Variants in PPP1R15B observed in about 807,000 individuals in gnomAD.
PPP1R15B encodes protein phosphatase 1 regulatory subunit 15B.
A neutral mutation model predicts 53.9 loss-of-function variants in PPP1R15B; 31 were observed. That is an observed-to-expected ratio of 0.58 (90% CI 0.43 to 0.78). The LOEUF is 0.78. Among genes scored for constraint, PPP1R15B ranks in the 30% least tolerant of loss-of-function variants. The pLI is 0.00. For missense variants in PPP1R15B, 928 were observed against 849.6 expected, an observed-to-expected ratio of 1.09 and a Z score of -1.15; for synonymous variants, 345 against 329.1, an observed-to-expected ratio of 1.05 and a Z score of -0.52.
chr1:204,410,875 C>T lies in PPP1R15B; in HGVS notation c.537G>A (p.Gln179=), dbSNP rs1295335276. The change falls in exon 1 of 2, where the codon CAG becomes CAA. Residue 179 remains glutamine, a synonymous_variant. Transcript: ENST00000367188. The stretch of plus-strand genomic sequence containing the variant: ...TGGGCAACAGCTCCACTCCCCACAG[C>T]TGCTGCTCTAAGAGAAAAGCCTGTG... The part of the protein sequence containing the change: ...PAAQAFLLEQ[Q]LWGVELLPSS... 2 of 1,614,170 alleles carry T rather than the reference C, an allele frequency of 1.2e-6. No homozygotes were observed. Among genetic ancestry groups the T allele is most frequent in the Admixed American group, 1.7e-5 (1 of 60,018 alleles).
At chr1:204,399,642 C>T (rs762237490), downstream of PPP1R15B, among the ~76,000 whole-genome samples, 5 of 151,568 alleles carry the variant, frequency 3.3e-5, no homozygotes, top group African/African-American at 4.9e-5. Flanking sequence ...GACTCATAAA[C>T]GACAAGATCC....
Position 204,404,709 on chromosome 1 carries a change from G to C in PPP1R15B, c.*1383C>G. On this transcript the variant is annotated 3_prime_UTR_variant, in exon 2 of 2. Coordinates refer to ENST00000367188, the MANE Select transcript of PPP1R15B (RefSeq NM_032833.5). Reference sequence around the variant, plus strand: ...AAAATTCATCCCCACACTTAAATAAGTTCAAAACTAAGAGGTCACCTATTC... The same window carrying C: ...AAAATTCATCCCCACACTTAAATAACTTCAAAACTAAGAGGTCACCTATTC... 1 of 985,740 alleles carries C rather than the reference G, an allele frequency of 1.0e-6. No individual in the cohort carries two copies. The highest frequency in any genetic ancestry group is 1.2e-6 in the Non-Finnish European group (1 of 829,894). The allele number at this position is 985,740 out of a possible 1,614,324, so 61.1% of individuals were successfully genotyped here.
In PPP1R15B at chr1:204,411,462, G is replaced by C. The variant is rs1434244469; in HGVS notation, c.-51C>G. On this transcript the variant is annotated 5_prime_UTR_variant, in exon 1 of 2. Coordinates refer to ENST00000367188, the MANE Select transcript of PPP1R15B (RefSeq NM_032833.5). ...GTAGGGCCGCGGCGCTCAGCGGCTGGAGGTCGACGGGATTCGGAGGAAGCC... is the reference window on the plus strand; with the variant it reads ...GTAGGGCCGCGGCGCTCAGCGGCTGCAGGTCGACGGGATTCGGAGGAAGCC... 1.3e-6 allele frequency: 2 copies of C among 1,569,866 alleles called. No individual in the cohort carries two copies. The highest frequency in any genetic ancestry group is 8.6e-7 in the Non-Finnish European group (1 of 1,163,996).
At chr1:204,406,845 T>C (rs1233364609) in intron 1 of PPP1R15B, among the ~76,000 whole-genome samples, 1 of 152,194 alleles carries the variant, frequency 6.6e-6, no homozygotes, top group African/African-American at 2.4e-5. Context: ...ATCTTTCATC[T>C]ATATATACTT....
At chr1:204,406,508 G>A (rs1011462065) in intron 1 of PPP1R15B, among the ~76,000 whole-genome samples, 195 bp from the exon 2 acceptor site, 13 of 152,120 alleles carry the variant, frequency 8.5e-5, no homozygotes, top group Non-Finnish European at 1.6e-4. Flanking sequence ...CCAGCATTTT[G>A]GGAGGCGGAA....
At chr1:204,408,167 G>C (rs1674299104) in intron 1 of PPP1R15B, among the ~76,000 whole-genome samples, 1 of 152,210 alleles carries the variant, frequency 6.6e-6, no homozygotes, top group Non-Finnish European at 1.5e-5. Flanking sequence ...GAGGCCATGA[G>C]AGTCAAGCAA....
chr1:204,408,314 G>A (rs1388206374), intron 1 of PPP1R15B, among the ~76,000 whole-genome samples: 1 of 152,176 alleles, frequency 6.6e-6, no homozygotes, highest in Non-Finnish European at 1.5e-5. Flanking sequence ...AGGTCATTTT[G>A]TCAGGGGCCC....
chr1:204,398,747 A>G (rs1209067420), downstream of PPP1R15B, among the ~76,000 whole-genome samples: 1 of 152,140 alleles, frequency 6.6e-6, no homozygotes, highest in East Asian at 1.9e-4. Context: ...GAGACAACAG[A>G]GCATCACTAG....
chr1:204,411,361 G>T lies in PPP1R15B; in HGVS notation c.51C>A (p.Gly17=). 2 of 1,613,662 alleles carry T rather than the reference G, an allele frequency of 1.2e-6. No individual in the cohort carries two copies. The highest frequency in any genetic ancestry group is 1.7e-6 in the Non-Finnish European group (2 of 1,180,044). The stretch of plus-strand genomic sequence containing the variant: ...GGAAAAAGGGTGGCCAGAACCGGAA[G>T]CCCGCCCGAGGGCCAAGCCGTTTCC... The part of the protein sequence containing the change: ...GSRKRLGPRA[G]FRFWPPFFPR... The change falls in exon 1 of 2, where the codon GGC becomes GGA. Residue 17 remains glycine, a synonymous_variant. Transcript: ENST00000367188.
downstream of PPP1R15B, among the ~76,000 whole-genome samples, chr1:204,401,316 C>G (rs2103440164): frequency 6.6e-6 from 1 of 152,238 alleles, no homozygotes; most frequent in South Asian, 2.1e-4. Context: ...AGCATGCTGC[C>G]AACACAGACT....
At chr1:204,408,462 G>A (rs1193628255) in intron 1 of PPP1R15B, among the ~76,000 whole-genome samples, 1 of 152,214 alleles carries the variant, frequency 6.6e-6, no homozygotes, top group Non-Finnish European at 1.5e-5. Flanking sequence ...TAATTTCAAA[G>A]TAGTAAGCTG....
At chr1:204,400,486 CT>C (rs11442135), downstream of PPP1R15B, among the ~76,000 whole-genome samples, 246 of 143,350 alleles carry the variant, frequency 1.7e-3, no homozygotes, top group Middle Eastern at 3.6e-3. Context: ...ATTTCTTTTT[CT>C]TTTTTTTTTT....
downstream of PPP1R15B, among the ~76,000 whole-genome samples, chr1:204,398,672 CAACCAGA>C (rs1674127249): frequency 1.3e-5 from 2 of 152,230 alleles, no homozygotes; most frequent in South Asian, 4.2e-4. Flanking sequence ...GGAGCAATAG[CAACCAGA>C]TCTGTAATAA....
At chr1:204,408,815 C>T (rs1216940038) in intron 1 of PPP1R15B, among the ~76,000 whole-genome samples, 3 of 152,210 alleles carry the variant, frequency 2.0e-5, no homozygotes, top group African/African-American at 7.2e-5. Flanking sequence ...AAGTGGCCAT[C>T]ACTGTTTATT....
Position 204,405,039 on chromosome 1 carries a change from T to C in PPP1R15B, c.*1053A>G, listed in dbSNP as rs1674241273. The C allele has an allele frequency of 1.0e-6, 1 of 985,804 alleles. No homozygotes were observed. 61.1% of individuals were successfully genotyped at this position (985,804 alleles called of 1,614,324 possible). On this transcript the variant is annotated 3_prime_UTR_variant, in exon 2 of 2. Coordinates refer to ENST00000367188, the MANE Select transcript of PPP1R15B (RefSeq NM_032833.5). Reference sequence around the variant, plus strand: ...ATTGACTGAAGTTTATATTTTACATTTCAAACGTGAAAATTCAGAACTGCC... The same window carrying C: ...ATTGACTGAAGTTTATATTTTACATCTCAAACGTGAAAATTCAGAACTGCC...
downstream of PPP1R15B, among the ~76,000 whole-genome samples, chr1:204,397,566 C>CA (rs959252047): frequency 5.9e-5 from 9 of 151,388 alleles, no homozygotes; most frequent in East Asian, 1.9e-4. Flanking sequence ...GTTCTTACCA[C>CA]AAAAAAAATG....
downstream of PPP1R15B, among the ~76,000 whole-genome samples, chr1:204,399,004 G>A (rs1190809594): frequency 1.3e-5 from 2 of 152,204 alleles, no homozygotes; most frequent in Non-Finnish European, 2.9e-5. Flanking sequence ...GCTTACGGTA[G>A]CTTTTCTCTA....
downstream of PPP1R15B, among the ~76,000 whole-genome samples, chr1:204,403,161 G>T (rs1238461093): frequency 6.6e-6 from 1 of 152,142 alleles, no homozygotes; most frequent in East Asian, 1.9e-4. Context: ...TTGCTTCTGT[G>T]AATACCCAGT....
downstream of PPP1R15B, among the ~76,000 whole-genome samples, chr1:204,403,023 G>C (rs538517199): frequency 4.0e-3 from 603 of 152,226 alleles, 7 homozygotes; most frequent in African/African-American, 0.014. Flanking sequence ...AGTGAGCTGA[G>C]ATCGTGCCAC....
Sources: gnomAD v4.1 joint callset for allele counts (sites outside exome capture counted in the v4.1 genomes callset) on GRCh38, gnomAD v4.1.1 for gene constraint, MANE v1.5 for transcripts, NCBI Gene and HGNC (gene_info 2026-07-23, HGNC 2026-07-21) for gene names.